LRRC47: variants seen among roughly 807,000 people sequenced by gnomAD.
LRRC47 encodes leucine-rich repeat-containing protein 47.
LRRC47 carries 31 observed loss-of-function variants against 40.9 expected under a neutral mutation model. That is an observed-to-expected ratio of 0.76 (90% confidence interval 0.57 to 1.02). LRRC47 has a LOEUF of 1.02. Among genes scored for constraint, LRRC47 ranks in the 50% least tolerant of loss-of-function variants. The pLI, the probability that LRRC47 is intolerant of heterozygous loss-of-function variation, is 0.00. For missense variants in LRRC47, 726 were observed against 796.1 expected (o/e 0.91, Z 1.06); for synonymous variants, 427 against 371.9 (o/e 1.15, Z -1.70).
intron 2 of LRRC47, 43 bp from the exon 3 acceptor site, chr1:3,785,246 G>T: frequency 7.2e-7 from 1 of 1,390,650 alleles, no homozygotes; most frequent in Non-Finnish European, 9.6e-7. Flanking sequence ...CTTGTGCCCT[G>T]AAGCCCAGCG....
chr1:3,791,451 C>G (rs1233437246), intron 1 of LRRC47, among the ~76,000 whole-genome samples: 1 of 152,160 alleles, frequency 6.6e-6, no homozygotes. Context: ...CTTTCCTCCC[C>G]CTTCTTTCTC....
rs749375329 is a variant in LRRC47, at chr1:3,795,966, C to G, written c.511G>C (p.Glu171Gln). The change falls in exon 1 of 7, where the codon GAG becomes CAG. Residue 171 changes from glutamate to glutamine, a missense_variant. Physicochemically the swap from Glu to Gln is conservative, Grantham distance 29 (BLOSUM62 2). Transcript: ENST00000378251. ...TGNCLDSFPA[E>Q]LFRPGALPLL... is the part of the protein sequence containing the mutation. ...GGCAGCGCGCCGGGGCGAAAGAGCT[C>G]GGCGGGAAAGGAGTCTAGGCAATTG... is the stretch of plus-strand genomic sequence containing the variant. 6.3e-7 allele frequency: 1 copy of G among 1,588,242 alleles called. No individual in the cohort carries two copies. The highest frequency in any genetic ancestry group is 1.3e-5 in the African/African-American group (1 of 74,706).
chr1:3,793,782 C>T (rs1643648057), intron 1 of LRRC47, among the ~76,000 whole-genome samples: 1 of 152,168 alleles, frequency 6.6e-6, no homozygotes, highest in Admixed American at 6.5e-5. Flanking sequence ...GACCGTTTCC[C>T]ACACCCCTAT....
In LRRC47 at chr1:3,785,258, G is replaced by A. The variant is rs111693823; in HGVS notation, c.1078-55C>T. On this transcript the variant is annotated intron_variant, in intron 2 of 6. Transcript: ENST00000378251. Reference sequence around the variant, plus strand: ...TCTCTTGTGCCCTGAAGCCCAGCGAGGTGTCCACACTTCACCCTTGGCTGG... The same window carrying A: ...TCTCTTGTGCCCTGAAGCCCAGCGAAGTGTCCACACTTCACCCTTGGCTGG... The A allele has an allele frequency of 4.8e-4, 620 of 1,304,658 alleles. 3 individuals are homozygous for A. The African/African-American group carries it at 8.4e-3, about 18-fold the overall frequency. 80.8% of individuals were successfully genotyped at this position (1,304,658 alleles called of 1,614,324 possible). A position where few individuals can be genotyped will look rare whatever the true frequency, so the allele number is the denominator to read the frequency against.
In LRRC47 at chr1:3,796,009, C is replaced by G. The variant is rs1453346219; in HGVS notation, c.468G>C (p.Gln156His). The change falls in exon 1 of 7, where the codon CAG becomes CAC. Residue 156 changes from glutamine to histidine, a missense_variant. Gln to His is a conservative substitution (Grantham distance 24). Transcript: ENST00000378251. ...GGCAATTGCCGGTGAGGTTGAGGCT[C>G]TGCAGGCGCGGGGCGCAGCGCGCCA... ...ADLARCAPRL[Q>H]SLNLTGNCLD... is the part of the protein sequence containing the mutation. 6.4e-7 allele frequency: 1 copy of G among 1,557,798 alleles called. No individual in the cohort carries two copies. The highest frequency in any genetic ancestry group is 8.7e-7 in the Non-Finnish European group (1 of 1,153,134).
rs767266845 is a variant in LRRC47 at position 3,786,835 on chromosome 1, C to T, written c.1077+14G>A. Reference sequence around the variant, plus strand: ...CTCTGTCCCAGTCATCTGAGGACCCCCACGGGCACCCACCTGCGAGGTGAG... The same window carrying T: ...CTCTGTCCCAGTCATCTGAGGACCCTCACGGGCACCCACCTGCGAGGTGAG... On this transcript the variant is annotated intron_variant, in intron 2 of 6. Transcript: ENST00000378251. 3 of 1,568,308 alleles carry T rather than the reference C, an allele frequency of 1.9e-6. No homozygotes were observed. The highest frequency in any genetic ancestry group is 1.2e-5 in the South Asian group (1 of 84,586).
chr1:3,786,728 A>ACCCGG (rs1227031614), intron 2 of LRRC47, 121 bp downstream of exon 2: 1 of 926,360 alleles, frequency 1.1e-6, no homozygotes, highest in Admixed American at 2.9e-5. Flanking sequence ...GCACACAGAC[A>ACCCGG]CCCGGCTGGG....
chr1:3,785,678 T>C (rs1013762982), intron 2 of LRRC47: 5 of 152,250 alleles, frequency 3.3e-5, no homozygotes, highest in African/African-American at 1.2e-4. Context: ...GTGCTTTATA[T>C]TTTAAAAGTT....
chr1:3,784,760 C>T (rs980187229), intron 3 of LRRC47, among the ~76,000 whole-genome samples: 2 of 152,222 alleles, frequency 1.3e-5, no homozygotes, highest in Non-Finnish European at 2.9e-5. Flanking sequence ...CTTTGGGAGG[C>T]CAAGTTGGGC....
intron 1 of LRRC47, among the ~76,000 whole-genome samples, chr1:3,788,269 G>A (rs1643595850): frequency 6.6e-6 from 1 of 152,250 alleles, no homozygotes; most frequent in Admixed American, 6.5e-5. Flanking sequence ...GGCAGGCACT[G>A]CGAGCAAACC....
At position 3,780,888 on chromosome 1, in the gene LRRC47, A is replaced by G; in HGVS notation, c.*200T>C. On this transcript the variant is annotated 3_prime_UTR_variant, in exon 7 of 7. Transcript: ENST00000378251. ...CTACTTGGGAGGCTGAGGCAGGAGAATCGCTTGAACCCAGGAGACACAGGC... is the reference window on the plus strand; with the variant it reads ...CTACTTGGGAGGCTGAGGCAGGAGAGTCGCTTGAACCCAGGAGACACAGGC... 1.4e-6 allele frequency: 1 copy of G among 708,538 alleles called. No homozygotes were observed. The highest frequency in any genetic ancestry group is 2.0e-5 in the South Asian group (1 of 50,970). 43.9% of individuals were successfully genotyped at this position (708,538 alleles called of 1,614,324 possible).
At position 3,796,376 on chromosome 1, in the gene LRRC47, C is replaced by T; in HGVS notation, c.101G>A (p.Arg34Gln). 6.6e-7 allele frequency: 1 copy of T among 1,512,906 alleles called. No homozygotes were observed. The highest frequency in any genetic ancestry group is 8.8e-7 in the Non-Finnish European group (1 of 1,138,350). The allele number at this position is 1,512,906 out of a possible 1,614,324, so 93.7% of individuals were successfully genotyped here. A position where few individuals can be genotyped will look rare whatever the true frequency, so the allele number is the denominator to read the frequency against. ...LLLTGPGLEE[R>Q]VRAAGGQLPP... ...CAGCTGCCCACCCGCCGCCCGCACT[C>T]GCTCCTCCAGCCCGGGCCCCGTCAG... Residue 34 changes from arginine to glutamine, a missense_variant, in exon 1 of 7, where the codon CGA becomes CAA. By Grantham distance (43) the Arg-to-Gln change is conservative. Transcript: ENST00000378251.
At chr1:3,781,711 G>C (rs910803573) in intron 5 of LRRC47, 110 bp from the exon 6 acceptor site, 1 of 846,326 alleles carries the variant, frequency 1.2e-6, no homozygotes, top group Admixed American at 2.2e-5. Context: ...CAGGCACAGT[G>C]GCTCACACCT....
chr1:3,795,922 C>A lies in LRRC47; in HGVS notation c.555G>T (p.Ala185=). 6.2e-7 allele frequency: 1 copy of A among 1,600,424 alleles called. No homozygotes were observed. The highest frequency in any genetic ancestry group is 8.5e-7 in the Non-Finnish European group (1 of 1,177,220). The change falls in exon 1 of 7, where the codon GCG becomes GCT. Residue 185 remains alanine (A), a synonymous_variant. Coordinates refer to ENST00000378251, the MANE Select transcript of LRRC47 (RefSeq NM_020710.3). ...PGALPLLSEL[A]AADNCLRELS... is the part of the protein sequence containing the mutation. ...GTTCTCGGAGGCAGTTGTCAGCAGC[C>A]GCCAGTTCACTGAGCAGGGGCAGCG...
At position 3,780,222 on chromosome 1, in the gene LRRC47, T is replaced by C. The variant is rs1276293500; in HGVS notation, c.*866A>G. 6.6e-6 allele frequency: 1 copy of C among 152,212 alleles called. No homozygotes were observed. The highest frequency in any genetic ancestry group is 1.5e-5 in the Non-Finnish European group (1 of 68,034). The allele number at this position is 152,212 out of a possible 1,614,324, so 9.4% of individuals were successfully genotyped here. On this transcript the variant is annotated 3_prime_UTR_variant, in exon 7 of 7. Transcript: ENST00000378251. ...CACAGAGTCTTTACACAAGCCTCGA[T>C]GGTGCATGTAGTTTTATTTATGTGT...
At chr1:3,790,767 G>A (rs1643619796) in intron 1 of LRRC47, among the ~76,000 whole-genome samples, 1 of 152,248 alleles carries the variant, frequency 6.6e-6, no homozygotes, top group South Asian at 2.1e-4. Context: ...CCTTTGCACT[G>A]CAGGTCCCAG....
rs1218757984 is a variant in LRRC47, at chr1:3,796,425, G to A, written c.52C>T (p.Arg18Cys). ...AGCAGCAGCTCCCGCCGCCGCTCGC[G>A]CTCAGCCAGCTCCAGCTCCGGCCAA... ...ESWPELELAE[R>C]ERRRELLLTG... is the part of the protein sequence containing the mutation. The change falls in exon 1 of 7, where the codon CGC becomes TGC. Residue 18 changes from arginine to cysteine, a missense_variant. Coordinates refer to ENST00000378251, the MANE Select transcript of LRRC47 (RefSeq NM_020710.3). The A allele has an allele frequency of 6.6e-7, 1 of 1,519,278 alleles. No individual in the cohort carries two copies. Among genetic ancestry groups the A allele is most frequent in the Non-Finnish European group, 8.8e-7 (1 of 1,141,346 alleles). 94.1% of individuals were successfully genotyped at this position (1,519,278 alleles called of 1,614,324 possible).
Position 3,795,866 on chromosome 1 carries a change from AG to A in LRRC47, c.610del (p.Leu204SerfsTer11). 1 of 1,584,406 alleles carries A rather than the reference AG, an allele frequency of 6.3e-7. No individual in the cohort carries two copies. Among genetic ancestry groups the A allele is most frequent in the Non-Finnish European group, 8.5e-7 (1 of 1,171,256 alleles). Reference protein sequence around the residue: ...LSPDIAHLASLKTLDLSNNQL... With the variant: ...LSPDIAHLASXKTLDLSNNQL... ...GCCCGGGCAGCCCCCGCTGACCTTGAGCGAGGCCAGGTGGGCGATGTCGGGG... is the reference window on the plus strand; with the variant it reads ...GCCCGGGCAGCCCCCGCTGACCTTGACGAGGCCAGGTGGGCGATGTCGGGG... On this transcript the variant is annotated frameshift_variant, in exon 1 of 7. Coordinates refer to ENST00000378251, the MANE Select transcript of LRRC47 (RefSeq NM_020710.3). LOFTEE classifies it high-confidence loss of function.
At chr1:3,784,185 T>C (rs1643548733) in intron 3 of LRRC47, 74 bp from the exon 4 acceptor site, 10 of 1,288,356 alleles carry the variant, frequency 7.8e-6, no homozygotes, top group Non-Finnish European at 1.1e-5. Context: ...ATTACGGCCT[T>C]AAGCCTCAAT....
Sources: gnomAD v4.1 joint callset for allele counts (sites outside exome capture counted in the v4.1 genomes callset) on GRCh38, gnomAD v4.1.1 for gene constraint, MANE v1.5 for transcripts, NCBI Gene and HGNC (gene_info 2026-07-23, HGNC 2026-07-21) for gene names.